The following PDS5B variants were observed in gnomAD, a reference collection of about 807,000 sequenced individuals.
PDS5B encodes the protein sister chromatid cohesion protein PDS5 homolog B.
In PDS5B, 51 loss-of-function variants were observed where a neutral mutation model predicts 184.1. The ratio of observed to expected loss-of-function variants is 0.28; its 90% CI spans 0.22 to 0.35. PDS5B has a LOEUF of 0.35. Among genes scored for constraint, PDS5B ranks in the 10% least tolerant of loss-of-function variants. PDS5B has a pLI of 1.00. For synonymous variants in PDS5B, 566 were observed against 569.2 expected, an observed-to-expected ratio of 0.99 and a Z score of 0.08; for missense variants, 1,180 against 1,723.3, an observed-to-expected ratio of 0.68 and a Z score of 5.58.
intron 13 of PDS5B, among the ~76,000 whole-genome samples, chr13:32,692,726 A>C (rs368965206): frequency 6.6e-6 from 1 of 151,988 alleles, no homozygotes; most frequent in Non-Finnish European, 1.5e-5. Flanking sequence ...GATTTTTCCT[A>C]TTGTAATACT....
At position 32,741,596 on chromosome 13, in the gene PDS5B, A is replaced by G. The variant is rs969450651; in HGVS notation, c.2475+448A>G. Among the ~76,000 whole-genome samples the G allele has an allele frequency of 5.9e-5, 9 of 152,222 alleles. No individual in the cohort carries two copies. The South Asian group carries it at 8.3e-4, about 14-fold the overall frequency. Reference sequence around the variant, plus strand: ...TTTATTAAAACCATCTATGGCCTGTAGTGTAGACCTCATGTCAATCCACTA... The same window carrying G: ...TTTATTAAAACCATCTATGGCCTGTGGTGTAGACCTCATGTCAATCCACTA... On this transcript the variant is annotated intron_variant, in intron 22 of 34. Coordinates refer to ENST00000315596, the MANE Select transcript of PDS5B (RefSeq NM_015032.4).
Position 32,775,021 on chromosome 13 carries a change from G to A in PDS5B, c.4313G>A (p.Arg1438Gln), listed in dbSNP as rs762836394. 5.5e-5 allele frequency: 88 copies of A among 1,612,636 alleles called. No homozygotes were observed. Among genetic ancestry groups the A allele is most frequent in the Non-Finnish European group, 7.0e-5 (82 of 1,179,310 alleles). The change falls in exon 35 of 35, where the codon CGG becomes CAG. Residue 1438 changes from arginine to glutamine, a missense_variant. Arg to Gln is a conservative substitution (Grantham distance 43). Coordinates refer to ENST00000315596, the MANE Select transcript of PDS5B (RefSeq NM_015032.4). ...EEEEVSTVNVRRRSAKRERR is the reference protein window; with the variant it reads ...EEEEVSTVNVQRRSAKRERR The stretch of plus-strand genomic sequence containing the variant: ...TCTGGTGACTTTCCTTTTAAGGTAC[G>A]GCGGCGAAGTGCTAAAAGGGAACGG...
At chr13:32,707,508 T>C (rs1444304065) in intron 18 of PDS5B, among the ~76,000 whole-genome samples, 1 of 151,652 alleles carries the variant, frequency 6.6e-6, no homozygotes, top group Non-Finnish European at 1.5e-5. Flanking sequence ...AAATGCATAG[T>C]TGGGATCATT....
In PDS5B at chr13:32,764,573, A is replaced by G; in HGVS notation, c.3603A>G (p.Arg1201=). 6.3e-7 allele frequency: 1 copy of G among 1,592,196 alleles called. No homozygotes were observed. The highest frequency in any genetic ancestry group is 8.6e-7 in the Non-Finnish European group (1 of 1,163,952). ...SPLPGKKSDK[R]DDSDLVRSEL... is the part of the protein sequence containing the mutation. ...TGCCGGGGAAAAAAAGTGACAAGAG[A>G]GACGACTCTGATCTTGTAAGGGTGA... The change falls in exon 31 of 35, where the codon AGA becomes AGG. Residue 1201 remains arginine, a synonymous_variant. Transcript: ENST00000315596.
At chr13:32,724,806 T>C (rs879745196) in intron 19 of PDS5B, among the ~76,000 whole-genome samples, 2 of 152,130 alleles carry the variant, frequency 1.3e-5, no homozygotes, top group Non-Finnish European at 2.9e-5. Flanking sequence ...TCTCGAACTC[T>C]TGGGCTCCAG....
chr13:32,731,867 T>C (rs1479801311), intron 19 of PDS5B, among the ~76,000 whole-genome samples: 2 of 152,130 alleles, frequency 1.3e-5, no homozygotes, highest in African/African-American at 2.4e-5. Flanking sequence ...AGCCTGTTAG[T>C]GTTTGCTATT....
chr13:32,676,567 C>T (rs1032116840), intron 9 of PDS5B, among the ~76,000 whole-genome samples: 3 of 152,114 alleles, frequency 2.0e-5, no homozygotes, highest in Admixed American at 2.0e-4. Flanking sequence ...GAAACCCGCT[C>T]TGACTCAGAA....
intron 30 of PDS5B, among the ~76,000 whole-genome samples, 200 bp from the exon 31 acceptor site, chr13:32,764,289 A>T (rs1954511607): frequency 1.3e-5 from 2 of 152,244 alleles, no homozygotes; most frequent in Middle Eastern, 3.4e-3. Flanking sequence ...TAAATTTTTG[A>T]TTTTTAAAAT....
At chr13:32,636,991 A>C (rs1044202243) in intron 1 of PDS5B, among the ~76,000 whole-genome samples, 1 of 152,192 alleles carries the variant, frequency 6.6e-6, no homozygotes, top group South Asian at 2.1e-4. Flanking sequence ...CTGAGACAGA[A>C]GGATCTTGGT....
At chr13:32,590,050 A>C (rs373174589) in intron 1 of PDS5B, among the ~76,000 whole-genome samples, 1 of 152,234 alleles carries the variant, frequency 6.6e-6, no homozygotes, top group East Asian at 1.9e-4. Context: ...ACTTAGATGA[A>C]TAAAATTTAT....
chr13:32,625,514 AC>A (rs1482034601), intron 1 of PDS5B, among the ~76,000 whole-genome samples: 3 of 152,018 alleles, frequency 2.0e-5, no homozygotes, highest in Admixed American at 2.0e-4. Context: ...CAGTTTGTGC[AC>A]CTCTTTTGGA....
intron 15 of PDS5B, among the ~76,000 whole-genome samples, chr13:32,697,399 G>A (rs1472760532): frequency 2.0e-5 from 3 of 152,132 alleles, no homozygotes; most frequent in Admixed American, 2.0e-4. Flanking sequence ...AGGTCACTGT[G>A]TATAGCAAAT....
At chr13:32,618,012 C>T (rs991181823) in intron 1 of PDS5B, among the ~76,000 whole-genome samples, 19 of 152,064 alleles carry the variant, frequency 1.2e-4, no homozygotes, top group Non-Finnish European at 1.9e-4. Context: ...GCTGCATCCT[C>T]CAGAGGTGAA....
chr13:32,635,510 A>G (rs1166432062), intron 1 of PDS5B, among the ~76,000 whole-genome samples: 2 of 149,200 alleles, frequency 1.3e-5, no homozygotes, highest in African/African-American at 2.5e-5. Flanking sequence ...CGCCCAGCTA[A>G]TTTTTGTATT....
At position 32,717,553 on chromosome 13, in the gene PDS5B, C is replaced by G. The variant is rs866682650; in HGVS notation, c.2123+7447C>G. On this transcript the variant is annotated intron_variant, in intron 19 of 34. Coordinates refer to ENST00000315596, the MANE Select transcript of PDS5B (RefSeq NM_015032.4). ...CAAGTACCCAGGGACACAAACACTGCGGAAGGCCGCAGGGTCCTCTGCCTA... is the reference window on the plus strand; with the variant it reads ...CAAGTACCCAGGGACACAAACACTGGGGAAGGCCGCAGGGTCCTCTGCCTA... 8.8e-4 allele frequency among the ~76,000 whole-genome samples: 119 copies of G among 135,524 alleles called. 1 individual carries two copies. The highest frequency in any genetic ancestry group is 6.6e-4 in the Non-Finnish European group (42 of 63,456). The allele number at this position is 135,524 out of a possible 152,430, so 88.9% of individuals were successfully genotyped here.
In PDS5B at chr13:32,776,075, A is replaced by G. The variant is rs2141053826; in HGVS notation, c.*1023A>G. 6.4e-6 allele frequency: 1 copy of G among 155,314 alleles called. No homozygotes were observed. Among genetic ancestry groups the G allele is most frequent in the Non-Finnish European group, 1.4e-5 (1 of 69,858 alleles). 9.6% of individuals were successfully genotyped at this position (155,314 alleles called of 1,614,324 possible). A position where few individuals can be genotyped will look rare whatever the true frequency, so the allele number is the denominator to read the frequency against. On this transcript the variant is annotated 3_prime_UTR_variant, in exon 35 of 35. Coordinates refer to ENST00000315596, the MANE Select transcript of PDS5B (RefSeq NM_015032.4). ...CAGAAAGAAAAAATTTTATTGATGC[A>G]GTGTGTCTTTATAAAGCTGTTCTTG...
chr13:32,643,349 T>A (rs1276211647), intron 1 of PDS5B, among the ~76,000 whole-genome samples: 1 of 152,168 alleles, frequency 6.6e-6, no homozygotes, highest in African/African-American at 2.4e-5. Context: ...TTCTAAAAGC[T>A]TTTAACACTT....
At chr13:32,686,366 C>T (rs559067542) in intron 11 of PDS5B, among the ~76,000 whole-genome samples, 2 of 152,228 alleles carry the variant, frequency 1.3e-5, no homozygotes, top group Admixed American at 1.3e-4. Flanking sequence ...ATCATATATG[C>T]CTTTAATACA....
At chr13:32,748,420 T>C (rs1179167117) in intron 24 of PDS5B, among the ~76,000 whole-genome samples, 2 of 152,000 alleles carry the variant, frequency 1.3e-5, no homozygotes, top group Non-Finnish European at 2.9e-5. Context: ...TTCTGTCTCT[T>C]GATTGTTGCT....
Sources: allele counts gnomAD v4.1 joint callset (sites outside exome capture counted in the v4.1 genomes callset), GRCh38; gene constraint gnomAD v4.1.1; transcripts MANE v1.5; gene names NCBI Gene and HGNC (gene_info 2026-07-23, HGNC 2026-07-21).